Variants in GABRG2 observed in about 807,000 individuals in gnomAD.
GABRG2 encodes the protein gamma-aminobutyric acid type A receptor subunit gamma2.
Under a neutral mutation model 56.4 loss-of-function variants are expected in GABRG2, and 16 were observed. The ratio of observed to expected loss-of-function variants is 0.28; its 90% CI spans 0.19 to 0.43. The LOEUF (loss-of-function observed/expected upper bound fraction) is 0.43. GABRG2 is among the 20% of genes least tolerant of loss of function. GABRG2 has a pLI of 1.00. For synonymous variants in GABRG2, 208 were observed against 205.5 expected, an observed-to-expected ratio of 1.01 and a Z score of -0.10; for missense variants, 327 against 582.7, an observed-to-expected ratio of 0.56 and a Z score of 4.52.
intron 6 of GABRG2, among the ~76,000 whole-genome samples, chr5:162,108,196 G>A (rs1185557117): frequency 6.6e-6 from 1 of 152,228 alleles, no homozygotes; most frequent in African/African-American, 2.4e-5. Context: ...GGTCTGCTCT[G>A]ACATTCATAC....
rs370088333 is a variant in GABRG2 at position 162,149,320 on chromosome 5, A to G, written c.1128+7A>G. On this transcript the variant is annotated splice_region_variant and intron_variant, in intron 8 of 9. Coordinates refer to ENST00000639213, the MANE Select transcript of GABRG2 (RefSeq NM_198904.4). ...TAAAAAGAAGAAAAACCCTGTATGT[A>G]TCATTTTCCATTGGCACCATTGAAA... 3 of 1,613,256 alleles carry G rather than the reference A, an allele frequency of 1.9e-6. No homozygotes were observed. The highest frequency in any genetic ancestry group is 1.7e-6 in the Non-Finnish European group (2 of 1,179,266).
intron 3 of GABRG2, 137 bp downstream of exon 3, chr5:162,095,699 T>A: frequency 1.5e-6 from 1 of 657,586 alleles, no homozygotes; most frequent in Non-Finnish European, 2.7e-6. Context: ...GTCTTCCAGA[T>A]CCTTTTTTTC....
intron 4 of GABRG2, chr5:162,100,357 C>A (rs1027269268): frequency 6.6e-6 from 1 of 152,036 alleles, no homozygotes; most frequent in Non-Finnish European, 1.5e-5. Flanking sequence ...ACTTTCCTTA[C>A]ATCAATAATA....
rs1247409401 is a variant in GABRG2, at chr5:162,067,794, T to C, written c.-206T>C. On this transcript the variant is annotated 5_prime_UTR_variant, in exon 1 of 10. Coordinates refer to ENST00000639213, the MANE Select transcript of GABRG2 (RefSeq NM_198904.4). ...CGCTGCCAGAGTGACGCTTTGATGG[T>C]ATCTGCAAGCGTTTTTGCTGATCTT... The C allele has an allele frequency of 2.9e-5, 18 of 614,610 alleles. No homozygotes were observed. Among genetic ancestry groups the C allele is most frequent in the Admixed American group, 8.7e-5 (3 of 34,578 alleles). 38.1% of individuals were successfully genotyped at this position (614,610 alleles called of 1,614,324 possible). A position where few individuals can be genotyped will look rare whatever the true frequency, so the allele number is the denominator to read the frequency against.
chr5:162,142,193 G>C lies in GABRG2; in HGVS notation c.799G>C (p.Asp267His). 1.2e-6 allele frequency: 2 copies of C among 1,614,024 alleles called. No individual in the cohort carries two copies. The highest frequency in any genetic ancestry group is 1.7e-6 in the Non-Finnish European group (2 of 1,179,980). The change falls in exon 7 of 10, where the codon GAT (aspartate) becomes CAT (histidine). Residue 267 changes from aspartate to histidine, a missense_variant. By Grantham distance (81) the Asp-to-His change is moderately conservative (BLOSUM62 -1). This residue lies in a region of GABRG2 where 42 missense variants were observed against 156.9 expected (regional missense o/e 0.27). Transcript: ENST00000639213. Reference sequence around the variant, plus strand: ...TTATGTGGTCATGTCTGTCTACTTTGATCTGAGCAGAAGAATGGGATACTT... The same window carrying C: ...TTATGTGGTCATGTCTGTCTACTTTCATCTGAGCAGAAGAATGGGATACTT... ...GDYVVMSVYFDLSRRMGYFTI... is the reference protein window; with the variant it reads ...GDYVVMSVYFHLSRRMGYFTI...
intron 1 of GABRG2, among the ~76,000 whole-genome samples, chr5:162,090,140 T>G (rs1263208165): frequency 6.6e-6 from 1 of 152,078 alleles, no homozygotes; most frequent in East Asian, 1.9e-4. Flanking sequence ...TGCATAAAAC[T>G]GTAATGATGA....
At chr5:162,078,841 G>A (rs567142519) in intron 1 of GABRG2, among the ~76,000 whole-genome samples, 12 of 151,868 alleles carry the variant, frequency 7.9e-5, no homozygotes, top group Non-Finnish European at 1.6e-4. Context: ...TACATGGAAC[G>A]ATATTTAACT....
intron 6 of GABRG2, among the ~76,000 whole-genome samples, chr5:162,109,598 C>CATTAT (rs1165686094): frequency 1.8e-4 from 27 of 151,252 alleles, no homozygotes; most frequent in African/African-American, 6.1e-4. Flanking sequence ...AACCTGGTGG[C>CATTAT]TGACTTAAAG....
At chr5:162,094,135 T>C (rs1760824181) in intron 2 of GABRG2, 156 bp downstream of exon 2, 1 of 750,644 alleles carries the variant, frequency 1.3e-6, no homozygotes, top group Non-Finnish European at 2.2e-6. Context: ...TTCAGGCCTA[T>C]GAGTGGGAGA....
In GABRG2 at chr5:162,135,238, A is replaced by T. The variant is rs527912951; in HGVS notation, c.770-6926A>T. Among the ~76,000 whole-genome samples, 930 of 151,936 alleles carry T rather than the reference A, an allele frequency of 6.1e-3. 14 individuals are homozygous for T. The highest frequency in any genetic ancestry group is 0.021 in the African/African-American group (871 of 41,458). The stretch of plus-strand genomic sequence containing the variant: ...CCTTCTCTCTTTTTTTTTTCTTGGC[A>T]AGCATTTAGGATTGCTAACAGCTCA... On this transcript the variant is annotated intron_variant, in intron 6 of 9. Transcript: ENST00000639213.
chr5:162,135,997 G>A (rs989498920), intron 6 of GABRG2, among the ~76,000 whole-genome samples: 1 of 152,142 alleles, frequency 6.6e-6, no homozygotes, highest in Non-Finnish European at 1.5e-5. Context: ...TATATGTATA[G>A]GCATGATCAG....
intron 8 of GABRG2, chr5:162,149,598 T>C (rs185539754): frequency 2.8e-5 from 21 of 739,784 alleles, no homozygotes; most frequent in African/African-American, 2.2e-4. Flanking sequence ...GACCTTCTTC[T>C]TGTTGCTATT....
chr5:162,100,336 C>T (rs1169395297), intron 4 of GABRG2: 3 of 152,026 alleles, frequency 2.0e-5, no homozygotes, highest in Admixed American at 1.3e-4. Flanking sequence ...AATAAATTTT[C>T]CTAAAATAAT....
rs377711860 is a variant in GABRG2 at position 162,152,410 on chromosome 5, G to A, written c.1152+657G>A. 2.0e-5 allele frequency: 9 copies of A among 456,654 alleles called. 1 individual carries two copies. The highest frequency in any genetic ancestry group is 6.1e-5 in the African/African-American group (3 of 48,972). The allele number at this position is 456,654 out of a possible 1,614,324, so 28.3% of individuals were successfully genotyped here. On this transcript the variant is annotated intron_variant, in intron 9 of 9. Transcript: ENST00000639213. ...ATTAAATATATCATTTAGTTGCATA[G>A]AAATTTACCAACTGGTCTAGCAGGA...
chr5:162,135,816 G>T (rs1764082136), intron 6 of GABRG2, among the ~76,000 whole-genome samples: 6 of 152,102 alleles, frequency 3.9e-5, no homozygotes, highest in Admixed American at 3.9e-4. Flanking sequence ...GGCATGTAAA[G>T]AACTACAAGA....
intron 1 of GABRG2, 145 bp from the exon 2 acceptor site, chr5:162,093,683 T>A (rs1342848651): frequency 1.3e-5 from 10 of 770,802 alleles, no homozygotes; most frequent in Non-Finnish European, 2.2e-5. Context: ...CTATGCAGTT[T>A]AATTAGCACA....
chr5:162,124,958 ATGTG>A (rs55993809), intron 6 of GABRG2, among the ~76,000 whole-genome samples: 23,834 of 143,804 alleles, frequency 0.17, 2,118 homozygotes, highest in East Asian at 0.42. Context: ...GTATAAAGAG[ATGTG>A]TGTGTGTGTG....
intron 1 of GABRG2, among the ~76,000 whole-genome samples, chr5:162,076,364 G>A (rs1289978458): frequency 1.3e-5 from 2 of 152,120 alleles, no homozygotes; most frequent in South Asian, 2.1e-4. Context: ...AACTTTGTGG[G>A]AGTGTAGAAG....
At chr5:162,149,031 A>G (rs2113632027) in intron 7 of GABRG2, 77 bp from the exon 8 acceptor site, 2 of 1,309,502 alleles carry the variant, frequency 1.5e-6, no homozygotes, top group South Asian at 2.4e-5. Context: ...TCATGAAACA[A>G]TGTAGTCTCA....
Sources: allele counts gnomAD v4.1 joint callset (sites outside exome capture counted in the v4.1 genomes callset), GRCh38; gene constraint gnomAD v4.1.1; regional missense constraint gnomAD v4.1.1; transcripts MANE v1.5; gene names NCBI Gene and HGNC (gene_info 2026-07-23, HGNC 2026-07-21).